Variants in FILIP1 observed in about 807,000 individuals in gnomAD.
FILIP1 encodes the protein filamin-A-interacting protein 1.
Under a neutral mutation model 102.1 loss-of-function variants are expected in FILIP1, and 61 were observed. That is an observed-to-expected ratio of 0.60 (90% CI 0.49 to 0.74). The LOEUF (loss-of-function observed/expected upper bound fraction) is 0.74, where lower values mean the gene tolerates loss of function less well. Among genes scored for constraint, FILIP1 ranks in the 30% least tolerant of loss-of-function variants. The pLI is 0.00. For missense variants in FILIP1, 1,314 were observed against 1,441.2 expected (o/e 0.91, Z 1.43); for synonymous variants, 491 against 526.9 (o/e 0.93, Z 0.93).
chr6:75,454,226 G>A (rs1311946027), intron 1 of FILIP1, among the ~76,000 whole-genome samples: 1 of 152,108 alleles, frequency 6.6e-6, no homozygotes, highest in Non-Finnish European at 1.5e-5. Context: ...CTTTTTTATG[G>A]ATGTCAGTGG....
At chr6:75,441,037 T>A (rs1778196657) in intron 1 of FILIP1, among the ~76,000 whole-genome samples, 1 of 150,966 alleles carries the variant, frequency 6.6e-6, no homozygotes, top group African/African-American at 2.4e-5. Flanking sequence ...CAGAGGGGGA[T>A]TTGGCAGGGT....
intron 2 of FILIP1, among the ~76,000 whole-genome samples, chr6:75,380,309 C>T (rs75433916): frequency 0.053 from 8,077 of 151,724 alleles, 293 homozygotes; most frequent in Non-Finnish European, 0.076. Context: ...AACCCTAAAG[C>T]TCAAAAGAAA....
In FILIP1 at chr6:75,378,720, T is replaced by C. The variant is rs564648231; in HGVS notation, c.277-15803A>G. Reference sequence around the variant, plus strand: ...ACTTGATGGTGAAAACTCCATCAGCTTGGGTCCCTGAGTGACTACATGGAA... The same window carrying C: ...ACTTGATGGTGAAAACTCCATCAGCCTGGGTCCCTGAGTGACTACATGGAA... On this transcript the variant is annotated intron_variant, in intron 2 of 5. Coordinates refer to ENST00000237172, the MANE Select transcript of FILIP1 (RefSeq NM_015687.5). Among the ~76,000 whole-genome samples the C allele has an allele frequency of 1.2e-4, 18 of 152,286 alleles. No homozygotes were observed. In the East Asian group the frequency reaches 3.5e-3, roughly 29 times the overall value.
At chr6:75,309,426 T>G (rs760240086) in intron 5 of FILIP1, among the ~76,000 whole-genome samples, 17 of 152,204 alleles carry the variant, frequency 1.1e-4, no homozygotes, top group Non-Finnish European at 2.2e-4. Context: ...CTCTCATATC[T>G]GATGACCCCT....
At chr6:75,463,555 G>C (rs1282305940) in intron 1 of FILIP1, among the ~76,000 whole-genome samples, 1 of 152,190 alleles carries the variant, frequency 6.6e-6, no homozygotes, top group African/African-American at 2.4e-5. Flanking sequence ...TAACTCACAT[G>C]ATTCCTCTGA....
At chr6:75,404,789 T>A (rs1176831937) in intron 2 of FILIP1, among the ~76,000 whole-genome samples, 5 of 152,132 alleles carry the variant, frequency 3.3e-5, no homozygotes, top group Non-Finnish European at 7.3e-5. Context: ...AGGGTCTCCT[T>A]CCTTTTCAAG....
chr6:75,369,267 A>T (rs1376040232), intron 2 of FILIP1, among the ~76,000 whole-genome samples: 2 of 152,164 alleles, frequency 1.3e-5, no homozygotes, highest in South Asian at 4.1e-4. Context: ...AGGGTGACCA[A>T]ATGTCCCAGA....
intron 2 of FILIP1, among the ~76,000 whole-genome samples, chr6:75,410,372 C>T (rs1426860605): frequency 6.6e-6 from 1 of 151,776 alleles, no homozygotes; most frequent in Admixed American, 6.6e-5. Flanking sequence ...AAACCTAGCA[C>T]ATAACTTCCA....
At chr6:75,369,681 G>A (rs556445415) in intron 2 of FILIP1, among the ~76,000 whole-genome samples, 2 of 152,276 alleles carry the variant, frequency 1.3e-5, no homozygotes, top group Admixed American at 6.5e-5. Context: ...GAATGCCCAC[G>A]AGCCTTGGAG....
At chr6:75,477,289 G>A (rs1265190493) in intron 1 of FILIP1, among the ~76,000 whole-genome samples, 3 of 152,040 alleles carry the variant, frequency 2.0e-5, no homozygotes, top group African/African-American at 7.2e-5. Context: ...GGAGAGGGAG[G>A]GAATGGGAGT....
At chr6:75,373,498 C>T (rs1369514567) in intron 2 of FILIP1, among the ~76,000 whole-genome samples, 1 of 151,996 alleles carries the variant, frequency 6.6e-6, no homozygotes, top group Non-Finnish European at 1.5e-5. Context: ...AGAGATGGAG[C>T]CTTGCCATGT....
intron 1 of FILIP1, among the ~76,000 whole-genome samples, chr6:75,442,856 G>A (rs1413263891): frequency 6.6e-6 from 1 of 152,216 alleles, no homozygotes; most frequent in Non-Finnish European, 1.5e-5. Context: ...GTCATCCGTG[G>A]AGTTAGCCCT....
At chr6:75,298,060 C>T (rs1051540956) in intron 6 of FILIP1, among the ~76,000 whole-genome samples, 1 of 152,054 alleles carries the variant, frequency 6.6e-6, no homozygotes, top group African/African-American at 2.4e-5. Context: ...GCATTTTGCA[C>T]AACTTAGAGT....
chr6:75,379,102 T>C (rs1222733701), intron 2 of FILIP1, among the ~76,000 whole-genome samples: 2 of 152,218 alleles, frequency 1.3e-5, no homozygotes, highest in Non-Finnish European at 2.9e-5. Context: ...GTAAGGTGAA[T>C]AACTTAAAAT....
intron 6 of FILIP1, among the ~76,000 whole-genome samples, chr6:75,300,263 T>G (rs1425575977): frequency 1.3e-5 from 2 of 152,192 alleles, no homozygotes; most frequent in Non-Finnish European, 2.9e-5. Context: ...GATTGCTTTA[T>G]CCACAGGAAG....
chr6:75,367,201 T>C (rs1026348850), intron 2 of FILIP1: 1 of 152,220 alleles, frequency 6.6e-6, no homozygotes, highest in African/African-American at 2.4e-5. Flanking sequence ...CTACATATAC[T>C]AAATATTTCA....
chr6:75,489,296 C>T (rs559024551), intron 1 of FILIP1, among the ~76,000 whole-genome samples: 56 of 152,172 alleles, frequency 3.7e-4, no homozygotes, highest in African/African-American at 1.3e-3. Context: ...AAATTCCATA[C>T]TAAATTATTG....
intron 1 of FILIP1, among the ~76,000 whole-genome samples, chr6:75,477,813 G>T (rs189238552): frequency 5.3e-4 from 80 of 152,220 alleles, no homozygotes; most frequent in Middle Eastern, 3.4e-3. Flanking sequence ...TGTCAAGGAG[G>T]CTACAAGAGA....
At chr6:75,460,862 G>A (rs1779001557) in intron 1 of FILIP1, among the ~76,000 whole-genome samples, 1 of 152,052 alleles carries the variant, frequency 6.6e-6, no homozygotes, top group Non-Finnish European at 1.5e-5. Flanking sequence ...GGCTTTGATT[G>A]GACATGATTT....
Sources: allele counts gnomAD v4.1 joint callset (sites outside exome capture counted in the v4.1 genomes callset), GRCh38; gene constraint gnomAD v4.1.1; transcripts MANE v1.5; gene names NCBI Gene and HGNC (gene_info 2026-07-23, HGNC 2026-07-21).